SYCP1: variants seen among roughly 807,000 people sequenced by gnomAD.
SYCP1 encodes cancer/testis antigen 8.
Under a neutral mutation model 153.1 loss-of-function variants are expected in SYCP1, and 64 were observed. The observed-to-expected ratio is 0.42, with a 90% CI of 0.34 to 0.51. The LOEUF (loss-of-function observed/expected upper bound fraction) is 0.51. Among genes scored for constraint, SYCP1 ranks in the 20% least tolerant of loss-of-function variants. The pLI is 0.06. For synonymous variants in SYCP1, 384 were observed against 341.8 expected (o/e 1.12, Z -1.36); for missense variants, 997 against 1,049.0 (o/e 0.95, Z 0.68).
At chr1:114,915,846 T>C (rs1396499466) in intron 20 of SYCP1, among the ~76,000 whole-genome samples, 4 of 152,168 alleles carry the variant, frequency 2.6e-5, no homozygotes, top group Non-Finnish European at 4.4e-5. Context: ...GTACTTATCC[T>C]ATTAGCAGCA....
At chr1:114,942,550 A>G (rs184071904) in intron 23 of SYCP1, among the ~76,000 whole-genome samples, 1 of 152,110 alleles carries the variant, frequency 6.6e-6, no homozygotes, top group Non-Finnish European at 1.5e-5. Flanking sequence ...AAGCCTAGAA[A>G]AAGATACAGG....
At chr1:114,965,560 A>ACTGAG (rs1672062958) in intron 27 of SYCP1, among the ~76,000 whole-genome samples, 1 of 152,196 alleles carries the variant, frequency 6.6e-6, no homozygotes, top group Non-Finnish European at 1.5e-5. Context: ...GAGTGTTTTT[A>ACTGAG]GCATGAAGGG....
At position 114,994,780 on chromosome 1, in the gene SYCP1, C is replaced by T. The variant is rs1026392783; in HGVS notation, c.2786C>T (p.Pro929Leu). 5 of 1,584,730 alleles carry T rather than the reference C, an allele frequency of 3.2e-6. No homozygotes were observed. Among genetic ancestry groups the T allele is most frequent in the Non-Finnish European group, 3.4e-6 (4 of 1,170,614 alleles). The change falls in exon 31 of 32, where the codon CCA (proline) becomes CTA (leucine). Residue 929 changes from proline (P) to leucine (L), a missense_variant. Physicochemically the swap from Pro to Leu is moderately conservative, Grantham distance 98. This residue lies in a region of SYCP1 where 712 missense variants were observed against 682.9 expected (regional missense o/e 1.04). Transcript: ENST00000369522. ...PPASHLCVKT[P>L]KKAPSSLTTP... is the part of the protein sequence containing the mutation. ...GCTTCTCATCTTTGTGTCAAAACAC[C>T]AAAAAAGGTAGCTTTTAAATTTTAT...
At chr1:114,865,252 T>C (rs12741053) in intron 8 of SYCP1, among the ~76,000 whole-genome samples, 13,122 of 152,198 alleles carry the variant, frequency 0.086, 725 homozygotes, top group Non-Finnish European at 0.13. Context: ...CCTAGTTTTA[T>C]TGGTTATCTC....
intron 15 of SYCP1, among the ~76,000 whole-genome samples, chr1:114,888,284 T>G (rs531905309): frequency 2.0e-5 from 3 of 152,176 alleles, no homozygotes; most frequent in South Asian, 2.1e-4. Context: ...TAAAATAGTT[T>G]CCAATTTTAG....
At chr1:114,910,548 C>A in intron 17 of SYCP1, 47 bp downstream of exon 17, 1 of 1,233,776 alleles carries the variant, frequency 8.1e-7, no homozygotes, top group Non-Finnish European at 1.1e-6. Flanking sequence ...GTTAATAGAA[C>A]ATAGATTTAT....
rs954679818 is a variant in SYCP1 at position 114,913,997 on chromosome 1, G to A, written c.1670G>A (p.Arg557Lys). The A allele has an allele frequency of 3.1e-5, 48 of 1,573,766 alleles. No individual in the cohort carries two copies. Among genetic ancestry groups the A allele is most frequent in the Non-Finnish European group, 4.1e-5 (48 of 1,161,736 alleles). Residue 557 changes from arginine to lysine, a missense_variant, in exon 20 of 32, where the codon AGG (arginine) becomes AAG (lysine). Physicochemically the swap from Arg to Lys is conservative, Grantham distance 26. Transcript: ENST00000369522. ...DINNNKKQEERMLKQIENLQE... is the reference protein window; with the variant it reads ...DINNNKKQEEKMLKQIENLQE... ...TAGAATAACAAAAAGCAAGAAGAAA[G>A]GATGTTGAAACAAATAGAAAATCTT...
At chr1:114,910,372 C>T in intron 16 of SYCP1, 25 bp from the exon 17 acceptor site, 1 of 1,512,374 alleles carries the variant, frequency 6.6e-7, no homozygotes, top group South Asian at 1.2e-5. Context: ...TTTGGCATTC[C>T]TGATTTGTTA....
intron 27 of SYCP1, among the ~76,000 whole-genome samples, chr1:114,965,371 C>T (rs1672050616): frequency 6.6e-6 from 1 of 152,132 alleles, no homozygotes; most frequent in Admixed American, 6.5e-5. Flanking sequence ...CCTGATTTCC[C>T]TGGCCAGAAC....
At chr1:114,977,656 C>A (rs1395381090) in intron 28 of SYCP1, 40 bp downstream of exon 28, 1 of 1,229,974 alleles carries the variant, frequency 8.1e-7, no homozygotes, top group Admixed American at 2.5e-5. Flanking sequence ...AATACCAATT[C>A]ATTTTCTAAC....
chr1:114,901,390 A>G (rs1024440969), intron 16 of SYCP1, among the ~76,000 whole-genome samples: 1 of 152,204 alleles, frequency 6.6e-6, no homozygotes, highest in Admixed American at 6.5e-5. Flanking sequence ...TAACTCCATT[A>G]TTAGCCAACT....
At chr1:114,927,856 G>T (rs1292379222) in intron 23 of SYCP1, among the ~76,000 whole-genome samples, 1 of 152,088 alleles carries the variant, frequency 6.6e-6, no homozygotes, top group African/African-American at 2.4e-5. Flanking sequence ...TCTCACTCTG[G>T]CACCAAGGCT....
At chr1:114,872,265 T>C (rs1228313879) in intron 8 of SYCP1, among the ~76,000 whole-genome samples, 1 of 152,218 alleles carries the variant, frequency 6.6e-6, no homozygotes, top group Non-Finnish European at 1.5e-5. Context: ...CTGTCAACTT[T>C]TGTCAAAGAA....
chr1:114,944,016 A>G (rs1434962204), intron 23 of SYCP1, among the ~76,000 whole-genome samples: 1 of 151,872 alleles, frequency 6.6e-6, no homozygotes, highest in Non-Finnish European at 1.5e-5. Flanking sequence ...TTTTCTGTAC[A>G]ATGGAAATAC....
intron 23 of SYCP1, among the ~76,000 whole-genome samples, chr1:114,938,206 AC>A (rs1670152678): frequency 6.6e-6 from 1 of 152,228 alleles, no homozygotes; most frequent in Non-Finnish European, 1.5e-5. Context: ...ACCATGGAAT[AC>A]TATGCAGCCA....
chr1:114,870,813 C>T (rs1402455328), intron 8 of SYCP1, among the ~76,000 whole-genome samples: 2 of 152,144 alleles, frequency 1.3e-5, no homozygotes, highest in African/African-American at 4.8e-5. Flanking sequence ...TTTTGATCCA[C>T]TCTGACAATC....
chr1:114,900,190 T>G (rs1221198156), intron 16 of SYCP1, among the ~76,000 whole-genome samples: 1 of 152,218 alleles, frequency 6.6e-6, no homozygotes, highest in Non-Finnish European at 1.5e-5. Flanking sequence ...TTACAATCCT[T>G]CCACCACTTG....
chr1:114,875,610 G>A (rs1006163481), intron 9 of SYCP1, among the ~76,000 whole-genome samples: 2 of 152,008 alleles, frequency 1.3e-5, no homozygotes. Context: ...GCACATAATA[G>A]GCACTCAGTA....
At chr1:114,894,065 T>C (rs1253136807) in intron 15 of SYCP1, among the ~76,000 whole-genome samples, 3 of 151,704 alleles carry the variant, frequency 2.0e-5, no homozygotes, top group African/African-American at 7.2e-5. Context: ...TTTCTCGTAC[T>C]TTTTTTTCTA....
Sources: allele counts gnomAD v4.1 joint callset (sites outside exome capture counted in the v4.1 genomes callset), GRCh38; gene constraint gnomAD v4.1.1; regional missense constraint gnomAD v4.1.1; transcripts MANE v1.5; gene names NCBI Gene and HGNC (gene_info 2026-07-23, HGNC 2026-07-21).